The following CCNB3 variants were observed in gnomAD, a reference collection of about 807,000 sequenced individuals.
The protein encoded by CCNB3 is G2/mitotic-specific cyclin-B3.
In CCNB3, 12 loss-of-function variants were observed where a neutral mutation model predicts 68.0. The ratio of observed to expected loss-of-function variants is 0.18; its 90% CI spans 0.11 to 0.29. CCNB3 has a LOEUF of 0.29. CCNB3 is among the 10% of genes least tolerant of loss of function. CCNB3 has a pLI of 1.00. For synonymous variants in CCNB3, 354 were observed against 388.9 expected (o/e 0.91, Z 1.06); for missense variants, 904 against 993.1 (o/e 0.91, Z 1.21).
At chrX:50,214,615 T>C (rs1935538354) in intron 1 of CCNB3, among the ~76,000 whole-genome samples, 3 of 97,217 alleles carry the variant, frequency 3.1e-5, no homozygotes, top group Non-Finnish European at 6.2e-5. Context: ...TTAAATAGTA[T>C]ATAATATTGT....
Position 50,227,091 on chromosome X carries a change from T to A in CCNB3, c.-113+22141T>A, listed in dbSNP as rs1284655643. Among the ~76,000 whole-genome samples, 4 of 80,758 alleles carry A rather than the reference T, an allele frequency of 5.0e-5. No individual in the cohort carries two copies. The East Asian group carries it at 1.4e-3, about 29-fold the overall frequency. The allele number at this position is 80,758 out of a possible 115,157, so 70.1% of individuals were successfully genotyped here. ...TACAAATATAAAGAATATATATAAA[T>A]ATATAGAATATACATACAAATATAT... On this transcript the variant is annotated intron_variant, in intron 1 of 12. Coordinates refer to ENST00000376042, the MANE Select transcript of CCNB3 (RefSeq NM_033031.3).
intron 1 of CCNB3, among the ~76,000 whole-genome samples, chrX:50,280,010 T>C (rs1175830917): frequency 1.4e-5 from 1 of 73,132 alleles, no homozygotes; most frequent in Admixed American, 1.9e-4. Context: ...ATAGAATATA[T>C]AAATATATAG....
At chrX:50,337,391 G>A (rs1459611340) in intron 8 of CCNB3, among the ~76,000 whole-genome samples, 1 of 110,778 alleles carries the variant, frequency 9.0e-6, no homozygotes, top group Non-Finnish European at 1.9e-5. Context: ...TTAACTAACT[G>A]TCCCTTTGCT....
chrX:50,282,189 C>A (rs1191538374), intron 1 of CCNB3, among the ~76,000 whole-genome samples: 2 of 111,001 alleles, frequency 1.8e-5, no homozygotes, highest in Non-Finnish European at 3.8e-5. Context: ...GGCTCTAGTT[C>A]CACTGCTTCG....
Position 50,309,687 on chromosome X carries a change from A to G in CCNB3, c.1518A>G (p.Lys506=), listed in dbSNP as rs1451339960. The change falls in exon 6 of 13, where the codon AAA becomes AAG. Residue 506 remains lysine (K), a synonymous_variant. Transcript: ENST00000376042. ...ATQGTMSHLK[K]PLILQTTSGE... ...AGGGGACAATGTCCCACTTGAAGAA[A>G]CCACTAATATTACAGACCACCTCTG... 9.1e-6 allele frequency: 11 copies of G among 1,207,517 alleles called. No individual in the cohort carries two copies. The highest frequency in any genetic ancestry group is 1.2e-5 in the Non-Finnish European group (11 of 894,286).
intron 8 of CCNB3, among the ~76,000 whole-genome samples, chrX:50,320,619 T>C (rs1173632852): frequency 9.0e-6 from 1 of 110,503 alleles, no homozygotes; most frequent in African/African-American, 3.3e-5. Flanking sequence ...TTTATAATTT[T>C]ATAACTATTT....
At chrX:50,213,314 T>A (rs1272879341) in intron 1 of CCNB3, among the ~76,000 whole-genome samples, 2 of 112,416 alleles carry the variant, frequency 1.8e-5, no homozygotes, top group Non-Finnish European at 3.8e-5. Context: ...TTACATGGAT[T>A]GATTTTTCAA....
intron 3 of CCNB3, among the ~76,000 whole-genome samples, chrX:50,287,143 A>G (rs1451786238): frequency 8.9e-6 from 1 of 111,857 alleles, no homozygotes; most frequent in Non-Finnish European, 1.9e-5. Context: ...TCAGAATTTC[A>G]TAAGGGCAGT....
At chrX:50,339,353 C>T (rs143689907) in intron 8 of CCNB3, among the ~76,000 whole-genome samples, 2,406 of 112,184 alleles carry the variant, frequency 0.021, 32 homozygotes, top group Non-Finnish European at 0.033. Context: ...TGCATTCTTT[C>T]GAGTTTCTGA....
chrX:50,308,754 C>A lies in CCNB3; in HGVS notation c.585C>A (p.Pro195=). ...EEVSLLEKLQ[P]LQEESDSDDA... is the part of the protein sequence containing the mutation. ...TGTCCTTACTGGAAAAGCTACAGCCCCTGCAGGAGGAGAGTGACAGTGATG... is the reference window on the plus strand; with the variant it reads ...TGTCCTTACTGGAAAAGCTACAGCCACTGCAGGAGGAGAGTGACAGTGATG... Residue 195 remains proline (P), a synonymous_variant, in exon 6 of 13, where the codon CCC becomes CCA. Transcript: ENST00000376042. 1 of 1,211,095 alleles carries A rather than the reference C, an allele frequency of 8.3e-7. No individual in the cohort carries two copies. The highest frequency in any genetic ancestry group is 1.1e-6 in the Non-Finnish European group (1 of 895,229).
chrX:50,327,493 T>C (rs868956432), intron 8 of CCNB3, among the ~76,000 whole-genome samples: 1 of 112,191 alleles, frequency 8.9e-6, no homozygotes, highest in African/African-American at 3.2e-5. Context: ...CCACACACTT[T>C]GATGTTACCA....
rs782348453 is a variant in CCNB3, at chrX:50,308,912, C to T, written c.743C>T (p.Ser248Leu). The change falls in exon 6 of 13, where the codon TCG (serine) becomes TTG (leucine). Residue 248 changes from serine (S) to leucine (L), a missense_variant. Transcript: ENST00000376042. ...CGGAAGCAGTCCTGCCAGGAAGAGT[C>T]GTTGGCTGTGCAGGATGTCAATATG... is the stretch of plus-strand genomic sequence containing the variant. ...SQRKQSCQEE[S>L]LAVQDVNMEE... 1.5e-5 allele frequency: 18 copies of T among 1,209,291 alleles called. No individual in the cohort carries two copies. Among genetic ancestry groups the T allele is most frequent in the Admixed American group, 2.2e-5 (1 of 45,663 alleles).
intron 1 of CCNB3, among the ~76,000 whole-genome samples, chrX:50,227,700 G>T (rs1442737243): frequency 3.2e-5 from 3 of 93,740 alleles, no homozygotes; most frequent in African/African-American, 1.1e-4. Context: ...TATATATAGA[G>T]AGAATATATA....
At chrX:50,302,874 G>T (rs1557212953) in intron 5 of CCNB3, among the ~76,000 whole-genome samples, 1 of 111,786 alleles carries the variant, frequency 8.9e-6, no homozygotes, top group Non-Finnish European at 1.9e-5. Context: ...ATAGATATTT[G>T]CATTGTTTCT....
At chrX:50,322,403 C>A (rs1922068793) in intron 8 of CCNB3, among the ~76,000 whole-genome samples, 1 of 111,110 alleles carries the variant, frequency 9.0e-6, no homozygotes, top group Admixed American at 9.6e-5. Context: ...CTTCCTTATA[C>A]CTTATACAAA....
chrX:50,321,800 T>G (rs1047262307), intron 8 of CCNB3, among the ~76,000 whole-genome samples: 26 of 111,142 alleles, frequency 2.3e-4, no homozygotes, highest in African/African-American at 8.5e-4. Context: ...AGAATAATTT[T>G]GTCGAGTTTT....
rs1189064069 is a variant in CCNB3 at position 50,204,806 on chromosome X, G to A, written c.-257G>A. 2.2e-5 allele frequency: 2 copies of A among 92,242 alleles called. No homozygotes were observed. The highest frequency in any genetic ancestry group is 4.6e-5 in the Non-Finnish European group (2 of 43,099). The allele number at this position is 92,242 out of a possible 1,213,427, so 7.6% of individuals were successfully genotyped here. On this transcript the variant is annotated 5_prime_UTR_variant, in exon 1 of 13. Transcript: ENST00000376042. ...CATTCTGAGACAGTTGGGCTGAGGC[G>A]GTTGGTCGCCTCTCTCTCTCTCTCT...
chrX:50,308,306 T>C (rs1557213812), intron 5 of CCNB3, among the ~76,000 whole-genome samples, 199 bp from the exon 6 acceptor site: 3 of 112,213 alleles, frequency 2.7e-5, no homozygotes, highest in Non-Finnish European at 3.8e-5. Context: ...AGTGTAGGTA[T>C]CTAGGCCATA....
chrX:50,306,025 G>C (rs1457550993), intron 5 of CCNB3, among the ~76,000 whole-genome samples: 1 of 104,588 alleles, frequency 9.6e-6, no homozygotes, highest in Non-Finnish European at 1.9e-5. Flanking sequence ...GACCTGAAGT[G>C]ATCTGCCTGC....
Sources: gnomAD v4.1 joint callset for allele counts (sites outside exome capture counted in the v4.1 genomes callset) on GRCh38, gnomAD v4.1.1 for gene constraint, MANE v1.5 for transcripts, NCBI Gene and HGNC (gene_info 2026-07-23, HGNC 2026-07-21) for gene names.